Variants in SERPINI1 observed in about 807,000 individuals in gnomAD.
The protein encoded by SERPINI1 is neuroserpin.
In SERPINI1, 19 loss-of-function variants were observed where a neutral mutation model predicts 41.1. The ratio of observed to expected loss-of-function variants is 0.46; its 90% CI spans 0.32 to 0.68. SERPINI1 has a LOEUF of 0.68. Ranked by LOEUF, SERPINI1 falls within the 30% of genes least tolerant of loss-of-function variation. SERPINI1 has a pLI of 0.03. For missense variants in SERPINI1, 460 were observed against 479.2 expected, an observed-to-expected ratio of 0.96 and a Z score of 0.37; for synonymous variants, 138 against 156.6, an observed-to-expected ratio of 0.88 and a Z score of 0.89.
At chr3:167,824,713 T>C (rs1712456384) in intron 8 of SERPINI1, 151 bp downstream of exon 8, 2 of 606,020 alleles carry the variant, frequency 3.3e-6, no homozygotes, top group East Asian at 5.6e-5. Flanking sequence ...AACTGAATTA[T>C]CAGATAGTTT....
chr3:167,764,541 A>G (rs1001021880), intron 1 of SERPINI1, among the ~76,000 whole-genome samples: 5 of 152,292 alleles, frequency 3.3e-5, no homozygotes, highest in African/African-American at 4.8e-5. Flanking sequence ...CCCACAACAC[A>G]TGGGAATTCA....
intron 5 of SERPINI1, among the ~76,000 whole-genome samples, chr3:167,801,969 C>T (rs1369131854): frequency 1.3e-5 from 2 of 152,068 alleles, no homozygotes; most frequent in Admixed American, 6.6e-5. Context: ...AGAAATAATG[C>T]CGCATATCTA....
rs1726322930 is a variant in SERPINI1, at chr3:167,759,838, C to T, written c.-19+24015C>T. ...AAGTAAAAAAAAGCCATAAATAACACAGATTAGTGAGTAGATAGAAGTCCA... is the reference window on the plus strand; with the variant it reads ...AAGTAAAAAAAAGCCATAAATAACATAGATTAGTGAGTAGATAGAAGTCCA... On this transcript the variant is annotated intron_variant, in intron 1 of 8. Transcript: ENST00000446050. 3.9e-5 allele frequency among the ~76,000 whole-genome samples: 6 copies of T among 152,230 alleles called. No individual in the cohort carries two copies. In the South Asian group the frequency reaches 1.2e-3, roughly 32 times the overall value.
chr3:167,793,983 G>A (rs1260151267), intron 4 of SERPINI1, among the ~76,000 whole-genome samples: 1 of 151,766 alleles, frequency 6.6e-6, no homozygotes, highest in Non-Finnish European at 1.5e-5. Flanking sequence ...ACAATGCTTA[G>A]ATTTCATTTT....
chr3:167,822,546 C>G (rs1419148416), intron 6 of SERPINI1, among the ~76,000 whole-genome samples: 1 of 152,010 alleles, frequency 6.6e-6, no homozygotes, highest in African/African-American at 2.4e-5. Context: ...AGGGTATTTA[C>G]ATTATCATAG....
At chr3:167,807,212 A>T (rs759597573) in intron 5 of SERPINI1, 32 bp from the exon 6 acceptor site, 1 of 1,391,484 alleles carries the variant, frequency 7.2e-7, no homozygotes, top group African/African-American at 1.4e-5. Flanking sequence ...AGATGCTCTA[A>T]CTAAATATTT....
intron 5 of SERPINI1, among the ~76,000 whole-genome samples, chr3:167,801,102 G>A (rs557620663): frequency 6.6e-6 from 1 of 152,382 alleles, no homozygotes; most frequent in East Asian, 1.9e-4. Flanking sequence ...ACAGGCATGG[G>A]CCACTGCACC....
At chr3:167,785,633 T>G (rs1727280063) in intron 1 of SERPINI1, among the ~76,000 whole-genome samples, 1 of 152,242 alleles carries the variant, frequency 6.6e-6, no homozygotes, top group Non-Finnish European at 1.5e-5. Context: ...AAAGTTTAAA[T>G]AAGATAGTTG....
At chr3:167,747,634 A>G (rs1559993960) in intron 1 of SERPINI1, among the ~76,000 whole-genome samples, 1 of 148,604 alleles carries the variant, frequency 6.7e-6, no homozygotes. Context: ...ACAGAGCGAG[A>G]CTACGTCTCA....
intron 1 of SERPINI1, among the ~76,000 whole-genome samples, chr3:167,762,376 A>C (rs894015067): frequency 6.6e-6 from 1 of 152,152 alleles, no homozygotes; most frequent in African/African-American, 2.4e-5. Context: ...TGTCTTAAAC[A>C]AACTAGAAAA....
At chr3:167,742,690 GA>G (rs1303659940) in intron 1 of SERPINI1, among the ~76,000 whole-genome samples, 1 of 152,170 alleles carries the variant, frequency 6.6e-6, no homozygotes, top group Non-Finnish European at 1.5e-5. Context: ...GTGGTAGATG[GA>G]GCAGGGGAAC....
intron 6 of SERPINI1, among the ~76,000 whole-genome samples, chr3:167,813,701 T>A (rs1247617655): frequency 1.3e-5 from 2 of 152,158 alleles, no homozygotes; most frequent in African/African-American, 4.8e-5. Context: ...CCTAGACTAT[T>A]TGTTTACATA....
intron 6 of SERPINI1, among the ~76,000 whole-genome samples, chr3:167,818,665 C>A (rs1577435979): frequency 6.6e-6 from 1 of 152,016 alleles, no homozygotes; most frequent in Non-Finnish European, 1.5e-5. Flanking sequence ...CTTTCTCTTT[C>A]TGCCGTAAGT....
At chr3:167,764,742 C>G (rs1473424323) in intron 1 of SERPINI1, among the ~76,000 whole-genome samples, 5 of 152,186 alleles carry the variant, frequency 3.3e-5, no homozygotes, top group Admixed American at 1.3e-4. Flanking sequence ...TCCCTTCTAC[C>G]TATGAGCTTG....
chr3:167,744,699 A>T (rs868437598), intron 1 of SERPINI1, among the ~76,000 whole-genome samples: 3,634 of 103,906 alleles, frequency 0.035, 191 homozygotes, highest in African/African-American at 0.14. Context: ...AACATATATA[A>T]ATATATATAA....
intron 7 of SERPINI1, among the ~76,000 whole-genome samples, chr3:167,823,891 CTT>C: frequency 2.0e-5 from 3 of 152,176 alleles, no homozygotes; most frequent in Non-Finnish European, 4.4e-5. Context: ...TATATATCAT[CTT>C]ATAATGAGGA....
Position 167,823,052 on chromosome 3 carries a change from C to T in SERPINI1, c.1046C>T (p.Ser349Leu), listed in dbSNP as rs764995450. Residue 349 changes from serine to leucine, a missense_variant, in exon 7 of 9, where the codon TCA (serine) becomes TTA (leucine). Ser to Leu is a moderately radical substitution (Grantham distance 145). Transcript: ENST00000446050. The stretch of plus-strand genomic sequence containing the variant: ...TTCCTAGAGGTTAATGAAGAAGGCT[C>T]AGAAGCTGCTGCTGTCTCAGGTACT... ...KSFLEVNEEG[S>L]EAAAVSGMIA... is the part of the protein sequence containing the mutation. 2.5e-6 allele frequency: 4 copies of T among 1,606,916 alleles called. No individual in the cohort carries two copies. The highest frequency in any genetic ancestry group is 3.4e-6 in the Non-Finnish European group (4 of 1,173,520).
chr3:167,778,919 G>C (rs1727037603), intron 1 of SERPINI1, among the ~76,000 whole-genome samples: 1 of 152,208 alleles, frequency 6.6e-6, no homozygotes, highest in African/African-American at 2.4e-5. Context: ...AGTTTGGGGG[G>C]TTAGAAGCAA....
At chr3:167,769,007 T>TGTTG (rs1156381314) in intron 1 of SERPINI1, among the ~76,000 whole-genome samples, 1 of 151,862 alleles carries the variant, frequency 6.6e-6, no homozygotes, top group Non-Finnish European at 1.5e-5. Flanking sequence ...TTTGTTTGTT[T>TGTTG]GTTTTGAGAT....
Sources: allele counts gnomAD v4.1 joint callset (sites outside exome capture counted in the v4.1 genomes callset), GRCh38; gene constraint gnomAD v4.1.1; transcripts MANE v1.5; gene names NCBI Gene and HGNC (gene_info 2026-07-23, HGNC 2026-07-21).